The following SNX29 variants were observed in gnomAD, a reference collection of about 807,000 sequenced individuals.
SNX29 encodes the protein sorting nexin-29.
In SNX29, 78 loss-of-function variants were observed where a neutral mutation model predicts 102.1. The ratio of observed to expected loss-of-function variants is 0.76; its 90% CI spans 0.64 to 0.92. The LOEUF (loss-of-function observed/expected upper bound fraction) is 0.92, where lower values mean the gene tolerates loss of function less well. Among genes scored for constraint, SNX29 ranks in the 40% least tolerant of loss-of-function variants. The probability of loss-of-function intolerance (pLI) is 0.00; values close to 1 mark genes in which losing one functional copy is unlikely to be tolerated. For missense variants in SNX29, 1,280 were observed against 1,061.7 expected (o/e 1.21, Z -2.86); for synonymous variants, 580 against 414.5 (o/e 1.40, Z -4.85).
chr16:12,053,872 G>T (rs1043308784), intron 8 of SNX29, among the ~76,000 whole-genome samples: 1 of 151,948 alleles, frequency 6.6e-6, no homozygotes, highest in Non-Finnish European at 1.5e-5. Flanking sequence ...ACAGACAGAA[G>T]AACAGGATTC....
At chr16:12,564,198 G>A (rs1403840318) in intron 20 of SNX29, among the ~76,000 whole-genome samples, 1 of 147,594 alleles carries the variant, frequency 6.8e-6, no homozygotes, top group Non-Finnish European at 1.5e-5. Flanking sequence ...GACCGTCCTG[G>A]GCACCATAGG....
At position 12,512,589 on chromosome 16, in the gene SNX29, C is replaced by T. The variant is rs1001528831; in HGVS notation, c.2179-12113C>T. Among the ~76,000 whole-genome samples, 9 of 151,398 alleles carry T rather than the reference C, an allele frequency of 5.9e-5. No homozygotes were observed. In the South Asian group the frequency reaches 6.3e-4, roughly 11 times the overall value. Reference sequence around the variant, plus strand: ...TTCACTTGACTGGCCCCTTCTCTTCCGTGGGACTCATGAGCAGTACTCGAG... The same window carrying T: ...TTCACTTGACTGGCCCCTTCTCTTCTGTGGGACTCATGAGCAGTACTCGAG... On this transcript the variant is annotated intron_variant, in intron 19 of 20. Coordinates refer to ENST00000566228, the MANE Select transcript of SNX29 (RefSeq NM_032167.5).
chr16:12,102,536 CAT>C (rs925355333), intron 11 of SNX29, among the ~76,000 whole-genome samples: 57 of 152,210 alleles, frequency 3.7e-4, no homozygotes, highest in African/African-American at 1.4e-3. Context: ...AGCTTTTTTT[CAT>C]ATGTTTGTTG....
At chr16:12,020,520 T>G (rs1157024254) in intron 3 of SNX29, among the ~76,000 whole-genome samples, 1 of 151,900 alleles carries the variant, frequency 6.6e-6, no homozygotes, top group Non-Finnish European at 1.5e-5. Context: ...GATTTTTATC[T>G]GATTTGTAGA....
intron 19 of SNX29, among the ~76,000 whole-genome samples, chr16:12,479,531 A>G (rs1361387306): frequency 6.6e-6 from 1 of 152,198 alleles, no homozygotes; most frequent in African/African-American, 2.4e-5. Context: ...TTTGTCCTTC[A>G]TTTTTCTGTT....
intron 19 of SNX29, among the ~76,000 whole-genome samples, chr16:12,495,576 CAT>C (rs1211962518): frequency 6.6e-6 from 1 of 152,186 alleles, no homozygotes; most frequent in African/African-American, 2.4e-5. Flanking sequence ...ATTTTATGAA[CAT>C]AGTTATTTGC....
intron 13 of SNX29, among the ~76,000 whole-genome samples, chr16:12,183,951 A>AGG (rs1311121783): frequency 6.6e-6 from 1 of 152,236 alleles, no homozygotes; most frequent in Admixed American, 6.5e-5. Context: ...ATGGTCTAAA[A>AGG]GGGGGGTATG....
chr16:11,995,931 G>C (rs542223089), intron 1 of SNX29, among the ~76,000 whole-genome samples: 1 of 152,010 alleles, frequency 6.6e-6, no homozygotes, highest in African/African-American at 2.4e-5. Flanking sequence ...GTGGTGGTGC[G>C]TGCCTGTAAT....
At chr16:12,154,447 C>G (rs1472171644) in intron 13 of SNX29, among the ~76,000 whole-genome samples, 1 of 152,170 alleles carries the variant, frequency 6.6e-6, no homozygotes, top group Non-Finnish European at 1.5e-5. Context: ...CTACCTGTCA[C>G]AGCACTGGCT....
chr16:12,391,005 G>A (rs1352746675), intron 16 of SNX29, among the ~76,000 whole-genome samples: 2 of 152,112 alleles, frequency 1.3e-5, no homozygotes, highest in Admixed American at 6.5e-5. Context: ...GGGTGCAGTG[G>A]CGCAATCAGG....
intron 19 of SNX29, among the ~76,000 whole-genome samples, chr16:12,488,020 C>A (rs2088335330): frequency 6.6e-6 from 1 of 152,060 alleles, no homozygotes; most frequent in Non-Finnish European, 1.5e-5. Flanking sequence ...AGGGGAGAGA[C>A]CTTGGTGAGC....
At chr16:12,198,318 G>C (rs1161847812) in intron 13 of SNX29, among the ~76,000 whole-genome samples, 1 of 151,652 alleles carries the variant, frequency 6.6e-6, no homozygotes, top group Non-Finnish European at 1.5e-5. Context: ...AAAATTATTA[G>C]GATGTGTGTG....
chr16:12,480,477 A>T lies in SNX29; in HGVS notation c.2178+2618A>T, dbSNP rs1597541818. Reference sequence around the variant, plus strand: ...CTGTGATCACACTGGGCTCACCCAGATCATCCAAATTAATCCCCCGACCCC... The same window carrying T: ...CTGTGATCACACTGGGCTCACCCAGTTCATCCAAATTAATCCCCCGACCCC... On this transcript the variant is annotated intron_variant, in intron 19 of 20. Coordinates refer to ENST00000566228, the MANE Select transcript of SNX29 (RefSeq NM_032167.5). Among the ~76,000 whole-genome samples, 3 of 152,276 alleles carry T rather than the reference A, an allele frequency of 2.0e-5. No homozygotes were observed. In the Middle Eastern group the frequency reaches 0.01, roughly 518 times the overall value.
chr16:12,360,746 G>A (rs2082277854), intron 16 of SNX29, among the ~76,000 whole-genome samples: 1 of 152,016 alleles, frequency 6.6e-6, no homozygotes, highest in Non-Finnish European at 1.5e-5. Flanking sequence ...TGTTTTTGTG[G>A]ATTTCTTTAA....
chr16:12,298,756 A>G (rs1421952723), intron 15 of SNX29, among the ~76,000 whole-genome samples: 1 of 152,090 alleles, frequency 6.6e-6, no homozygotes, highest in Non-Finnish European at 1.5e-5. Context: ...GGAAGGTTAG[A>G]TGTGGGTGTC....
intron 18 of SNX29, among the ~76,000 whole-genome samples, chr16:12,462,593 T>TACACACACACAC (rs35348415): frequency 6.6e-6 from 1 of 150,920 alleles, no homozygotes; most frequent in African/African-American, 2.4e-5. Context: ...GATTTCATTA[T>TACACACACACAC]ACACACACAC....
At chr16:12,175,492 A>G (rs2076239525) in intron 13 of SNX29, among the ~76,000 whole-genome samples, 1 of 152,184 alleles carries the variant, frequency 6.6e-6, no homozygotes, top group South Asian at 2.1e-4. Context: ...ACAAACAAAC[A>G]AACAAAAAAT....
intron 3 of SNX29, among the ~76,000 whole-genome samples, chr16:12,013,514 T>A (rs1342115239): frequency 0.057 from 4,148 of 73,242 alleles, 602 homozygotes; most frequent in Middle Eastern, 0.098. Flanking sequence ...TATATATATA[T>A]ATATATATAT....
intron 14 of SNX29, among the ~76,000 whole-genome samples, chr16:12,238,658 C>T (rs2078011055): frequency 6.6e-6 from 1 of 152,196 alleles, no homozygotes; most frequent in East Asian, 1.9e-4. Flanking sequence ...TCAGTGGGGA[C>T]CGCAAACCGC....
Sources: gnomAD v4.1 joint callset for allele counts (sites outside exome capture counted in the v4.1 genomes callset) on GRCh38, gnomAD v4.1.1 for gene constraint, MANE v1.5 for transcripts, NCBI Gene and HGNC (gene_info 2026-07-23, HGNC 2026-07-21) for gene names.